AUTS2: variants seen among roughly 807,000 people sequenced by gnomAD.
AUTS2 encodes autism susceptibility gene 2 protein.
A neutral mutation model predicts 112.4 loss-of-function variants in AUTS2; 17 were observed. The ratio of observed to expected loss-of-function variants is 0.15; its 90% CI spans 0.10 to 0.23. The LOEUF (loss-of-function observed/expected upper bound fraction) is 0.23, where lower values mean the gene tolerates loss of function less well. Among genes scored for constraint, AUTS2 ranks in the 10% least tolerant of loss-of-function variants. The probability of loss-of-function intolerance (pLI) is 1.00; values close to 1 mark genes in which losing one functional copy is unlikely to be tolerated. For synonymous variants in AUTS2, 751 were observed against 702.7 expected (o/e 1.07, Z -1.09); for missense variants, 1,510 against 1,701.6 (o/e 0.89, Z 1.98).
intron 1 of AUTS2, among the ~76,000 whole-genome samples, chr7:69,732,006 T>G (rs922263169): frequency 6.7e-6 from 1 of 149,508 alleles, no homozygotes; most frequent in South Asian, 2.1e-4. Context: ...TTGTTTTTTG[T>G]TTTTTTTTTC....
chr7:69,786,618 A>G (rs1234468329), intron 1 of AUTS2, among the ~76,000 whole-genome samples: 1 of 152,110 alleles, frequency 6.6e-6, no homozygotes, highest in African/African-American at 2.4e-5. Flanking sequence ...ACTCACCACG[A>G]AGGTCTGTGG....
intron 2 of AUTS2, among the ~76,000 whole-genome samples, chr7:69,944,529 A>G (rs1343397324): frequency 6.6e-6 from 1 of 152,176 alleles, no homozygotes; most frequent in African/African-American, 2.4e-5. Flanking sequence ...TGTAGGGTAC[A>G]GTATCTTTGA....
intron 4 of AUTS2, among the ~76,000 whole-genome samples, chr7:70,390,417 G>A (rs1368630839): frequency 6.6e-6 from 1 of 152,028 alleles, no homozygotes; most frequent in African/African-American, 2.4e-5. Flanking sequence ...TAGAAATCAG[G>A]AAACCTTGGT....
chr7:70,318,209 G>C (rs1790090090), intron 4 of AUTS2, among the ~76,000 whole-genome samples: 1 of 152,066 alleles, frequency 6.6e-6, no homozygotes, highest in South Asian at 2.1e-4. Flanking sequence ...GCGAGGTTGA[G>C]GGGGATGCCA....
chr7:70,340,064 G>A (rs972705987), intron 4 of AUTS2, among the ~76,000 whole-genome samples: 6 of 151,792 alleles, frequency 4.0e-5, no homozygotes, highest in Admixed American at 2.0e-4. Flanking sequence ...TATCCTCTGA[G>A]GTCTTGTCTG....
intron 2 of AUTS2, among the ~76,000 whole-genome samples, chr7:70,007,258 TC>T (rs978070112): frequency 6.6e-6 from 1 of 151,906 alleles, no homozygotes; most frequent in Non-Finnish European, 1.5e-5. Context: ...AGCCTTTCTG[TC>T]CCCCCCTAAA....
intron 5 of AUTS2, among the ~76,000 whole-genome samples, chr7:70,696,801 G>C (rs11771347): frequency 0.1 from 15,362 of 152,204 alleles, 925 homozygotes; most frequent in East Asian, 0.23. Context: ...GCCAATTAGA[G>C]TCACTTTAAT....
At chr7:70,776,959 T>C (rs756330123) in intron 13 of AUTS2, 144 bp from the exon 14 acceptor site, 7 of 732,154 alleles carry the variant, frequency 9.6e-6, no homozygotes, top group African/African-American at 5.3e-5. Context: ...GAGCTACTGA[T>C]GGAAGGCACT....
At chr7:70,738,390 T>C (rs1787894023) in intron 6 of AUTS2, among the ~76,000 whole-genome samples, 1 of 150,398 alleles carries the variant, frequency 6.6e-6, no homozygotes, top group Admixed American at 6.7e-5. Flanking sequence ...TTTTTTCTCT[T>C]GGAGCAAAAA....
intron 4 of AUTS2, among the ~76,000 whole-genome samples, chr7:70,231,988 T>C (rs1812081440): frequency 6.6e-6 from 1 of 152,088 alleles, no homozygotes; most frequent in Non-Finnish European, 1.5e-5. Flanking sequence ...GTAGCCAGGA[T>C]GGTCTCAATC....
chr7:69,696,712 C>A (rs1342181324), intron 1 of AUTS2, among the ~76,000 whole-genome samples: 1 of 152,154 alleles, frequency 6.6e-6, no homozygotes, highest in East Asian at 1.9e-4. Flanking sequence ...ACCTTCTTGT[C>A]ACTTTGTGTA....
intron 5 of AUTS2, among the ~76,000 whole-genome samples, chr7:70,496,873 C>T (rs1798557278): frequency 7.0e-6 from 1 of 143,822 alleles, no homozygotes; most frequent in African/African-American, 2.6e-5. Context: ...ACCCCACACA[C>T]ATGCACACGT....
chr7:69,796,575 C>T (rs559435997), intron 1 of AUTS2, among the ~76,000 whole-genome samples: 1 of 151,892 alleles, frequency 6.6e-6, no homozygotes, highest in East Asian at 1.9e-4. Flanking sequence ...TGAGTCCTGC[C>T]ATGCAGTCTT....
At chr7:70,180,443 G>A (rs377062187) in intron 4 of AUTS2, among the ~76,000 whole-genome samples, 1 of 152,138 alleles carries the variant, frequency 6.6e-6, no homozygotes, top group South Asian at 2.1e-4. Flanking sequence ...AGTTGGCTTT[G>A]TGTTGGAAGT....
chr7:69,764,796 T>C (rs1369783926), intron 1 of AUTS2, among the ~76,000 whole-genome samples: 3 of 152,210 alleles, frequency 2.0e-5, no homozygotes, highest in Admixed American at 2.0e-4. Flanking sequence ...ATCAGGAAGT[T>C]GCTGTGTTCT....
chr7:70,285,965 G>A (rs1788438576), intron 4 of AUTS2, among the ~76,000 whole-genome samples: 1 of 152,250 alleles, frequency 6.6e-6, no homozygotes, highest in South Asian at 2.1e-4. Flanking sequence ...GTAAGGGGCT[G>A]TGAATGTAGA....
intron 5 of AUTS2, among the ~76,000 whole-genome samples, chr7:70,597,531 AGTAT>A (rs1220816394): frequency 6.6e-6 from 1 of 152,228 alleles, no homozygotes; most frequent in Non-Finnish European, 1.5e-5. Context: ...AAGCAGAGTG[AGTAT>A]GTAGGTGTGC....
intron 1 of AUTS2, among the ~76,000 whole-genome samples, chr7:69,800,336 A>G (rs920209194): frequency 6.6e-6 from 1 of 152,248 alleles, no homozygotes; most frequent in African/African-American, 2.4e-5. Flanking sequence ...ACTAGAAATT[A>G]GGACAGCAGG....
chr7:69,729,670 A>G (rs895140350), intron 1 of AUTS2, among the ~76,000 whole-genome samples: 3 of 152,116 alleles, frequency 2.0e-5, no homozygotes, highest in African/African-American at 4.8e-5. Flanking sequence ...TTATTTGTGC[A>G]TAGAATCCCT....
Sources: gnomAD v4.1 joint callset for allele counts (sites outside exome capture counted in the v4.1 genomes callset) on GRCh38, gnomAD v4.1.1 for gene constraint, MANE v1.5 for transcripts, NCBI Gene and HGNC (gene_info 2026-07-23, HGNC 2026-07-21) for gene names.